The following EEPD1 variants were observed in gnomAD, a reference collection of about 807,000 sequenced individuals.
EEPD1 encodes the protein endonuclease/exonuclease/phosphatase family domain containing 1.
In EEPD1, 17 loss-of-function variants were observed where a neutral mutation model predicts 46.3. That is an observed-to-expected ratio of 0.37 (90% CI 0.25 to 0.55). The LOEUF is 0.55. Ranked by LOEUF, EEPD1 falls within the 20% of genes least tolerant of loss-of-function variation. The pLI is 0.83. For synonymous variants in EEPD1, 313 were observed against 315.6 expected (o/e 0.99, Z 0.09); for missense variants, 673 against 745.6 (o/e 0.90, Z 1.13).
At chr7:36,254,417 TG>T (rs1227860265) in intron 3 of EEPD1, among the ~76,000 whole-genome samples, 1 of 152,218 alleles carries the variant, frequency 6.6e-6, no homozygotes, top group Non-Finnish European at 1.5e-5. Context: ...CTGAGAATGA[TG>T]GTTTCCAGCT....
chr7:36,280,016 C>G (rs151333475), intron 3 of EEPD1, among the ~76,000 whole-genome samples: 72 of 152,196 alleles, frequency 4.7e-4, no homozygotes, highest in African/African-American at 1.7e-3. Flanking sequence ...AAGACACATG[C>G]GACAGTGGAA....
chr7:36,276,062 T>A (rs196582), intron 3 of EEPD1, among the ~76,000 whole-genome samples: 18,725 of 152,238 alleles, frequency 0.12, 1,572 homozygotes, highest in Non-Finnish European at 0.18. Flanking sequence ...TCAGAGGCAT[T>A]TGAACCAGAG....
intron 2 of EEPD1, among the ~76,000 whole-genome samples, chr7:36,236,177 C>T (rs1264426721): frequency 1.3e-5 from 2 of 152,228 alleles, no homozygotes; most frequent in African/African-American, 4.8e-5. Flanking sequence ...TCCGCCTCGG[C>T]GTCCGCTCTG....
intron 3 of EEPD1, among the ~76,000 whole-genome samples, chr7:36,280,593 G>T (rs1400031661): frequency 6.6e-6 from 1 of 152,222 alleles, no homozygotes; most frequent in African/African-American, 2.4e-5. Flanking sequence ...CCGCGTGCAC[G>T]TGTGTGGGTG....
At chr7:36,209,744 G>A (rs1254596571) in intron 2 of EEPD1, among the ~76,000 whole-genome samples, 2 of 152,138 alleles carry the variant, frequency 1.3e-5, no homozygotes, top group Admixed American at 6.6e-5. Flanking sequence ...ACTCATTACT[G>A]TGGGAAGAGT....
In EEPD1 at chr7:36,154,493, A is replaced by G. The variant is rs757530322; in HGVS notation, c.169A>G (p.Thr57Ala). ...EEELMTLPGV[T>A]RAVARSIVEY... ...GGAGCTGATGACCCTGCCTGGGGTGACGCGTGCCGTGGCACGCAGCATCGT... is the reference window on the plus strand; with the variant it reads ...GGAGCTGATGACCCTGCCTGGGGTGGCGCGTGCCGTGGCACGCAGCATCGT... Residue 57 changes from threonine to alanine, a missense_variant, in exon 2 of 8, where the codon ACG (threonine) becomes GCG (alanine). Coordinates refer to ENST00000242108, the MANE Select transcript of EEPD1 (RefSeq NM_030636.3). The surrounding 1 kb of genome is among the most constrained non-coding windows in gnomAD (Gnocchi z 4.2). The G allele has an allele frequency of 3.7e-6, 6 of 1,614,092 alleles. No homozygotes were observed. In the Admixed American group the frequency reaches 8.3e-5, roughly 22 times the overall value.
chr7:36,232,995 T>A (rs2115769626), intron 2 of EEPD1, among the ~76,000 whole-genome samples: 1 of 152,294 alleles, frequency 6.6e-6, no homozygotes, highest in African/African-American at 2.4e-5. Flanking sequence ...CTTTAAGCTG[T>A]TGCCATTTGA....
At chr7:36,158,558 C>T (rs939604599) in intron 2 of EEPD1, among the ~76,000 whole-genome samples, 4 of 152,104 alleles carry the variant, frequency 2.6e-5, no homozygotes, top group Non-Finnish European at 4.4e-5. Flanking sequence ...GCAAGTGAGG[C>T]GTGAGGTAGG....
intron 4 of EEPD1, among the ~76,000 whole-genome samples, chr7:36,283,291 G>A (rs867880543): frequency 3.3e-5 from 5 of 152,212 alleles, no homozygotes; most frequent in Admixed American, 6.5e-5. Context: ...GGTGGAAGGA[G>A]CAGCACGCAG....
intron 3 of EEPD1, among the ~76,000 whole-genome samples, chr7:36,271,114 G>C (rs998325344): frequency 1.3e-5 from 2 of 151,994 alleles, no homozygotes; most frequent in Non-Finnish European, 2.9e-5. Flanking sequence ...AGCCTCCCGA[G>C]TAGCTGGGAT....
chr7:36,278,992 C>T (rs1001697666), intron 3 of EEPD1, among the ~76,000 whole-genome samples: 1 of 152,198 alleles, frequency 6.6e-6, no homozygotes, highest in East Asian at 1.9e-4. Flanking sequence ...GCTTCCCAGA[C>T]AAACTCAGCA....
chr7:36,170,320 A>G (rs188193972), intron 2 of EEPD1, among the ~76,000 whole-genome samples: 1 of 152,268 alleles, frequency 6.6e-6, no homozygotes, highest in East Asian at 1.9e-4. Flanking sequence ...GAGGCAGGAG[A>G]ATCGCTTGAA....
At chr7:36,213,752 C>A (rs1302303789) in intron 2 of EEPD1, among the ~76,000 whole-genome samples, 1 of 152,116 alleles carries the variant, frequency 6.6e-6, no homozygotes, top group Non-Finnish European at 1.5e-5. Context: ...GCATCCTATG[C>A]TTGTCATTTG....
chr7:36,188,012 G>A (rs973472427), intron 2 of EEPD1, among the ~76,000 whole-genome samples: 1 of 150,720 alleles, frequency 6.6e-6, no homozygotes, highest in Non-Finnish European at 1.5e-5. Context: ...TGGTCAGGCT[G>A]GTCTTGAACA....
chr7:36,212,695 C>T (rs961296115), intron 2 of EEPD1, among the ~76,000 whole-genome samples: 2 of 151,032 alleles, frequency 1.3e-5, no homozygotes, highest in African/African-American at 4.9e-5. Context: ...CGTATGTATT[C>T]ATGATATGAT....
At chr7:36,214,225 G>A (rs1785988202) in intron 2 of EEPD1, among the ~76,000 whole-genome samples, 1 of 152,210 alleles carries the variant, frequency 6.6e-6, no homozygotes, top group Non-Finnish European at 1.5e-5. Flanking sequence ...GCTCTTCAGA[G>A]TGGGCAGGAC....
chr7:36,184,994 G>A (rs545001373), intron 2 of EEPD1, among the ~76,000 whole-genome samples: 5 of 152,314 alleles, frequency 3.3e-5, no homozygotes, highest in African/African-American at 1.2e-4. Flanking sequence ...GCCTTCCAAA[G>A]TGCTGGGATT....
chr7:36,253,812 G>T (rs10282140), intron 3 of EEPD1, among the ~76,000 whole-genome samples: 15,690 of 151,932 alleles, frequency 0.1, 1,127 homozygotes, highest in East Asian at 0.37. Flanking sequence ...ATTCAGTTAC[G>T]TATATCTTTG....
intron 3 of EEPD1, among the ~76,000 whole-genome samples, chr7:36,247,854 G>A (rs1363873112): frequency 6.6e-6 from 1 of 152,252 alleles, no homozygotes; most frequent in East Asian, 1.9e-4. Flanking sequence ...TGGCCCAGGT[G>A]ATGGGGAACC....
Sources: allele counts gnomAD v4.1 joint callset (sites outside exome capture counted in the v4.1 genomes callset), GRCh38; gene constraint gnomAD v4.1.1; non-coding constraint Gnocchi (gnomAD v3.1); transcripts MANE v1.5; gene names NCBI Gene and HGNC (gene_info 2026-07-23, HGNC 2026-07-21).